RPE65: variants seen among roughly 807,000 people sequenced by gnomAD.
RPE65 encodes retinoid isomerohydrolase.
Under a neutral mutation model 68.5 loss-of-function variants are expected in RPE65, and 58 were observed. The observed-to-expected ratio is 0.85, with a 90% CI of 0.69 to 1.05. The LOEUF (loss-of-function observed/expected upper bound fraction) is 1.05. RPE65 is among the 50% of genes least tolerant of loss of function. RPE65 has a pLI of 0.00. For missense variants in RPE65, 643 were observed against 629.9 expected (o/e 1.02, Z -0.22); for synonymous variants, 220 against 222.2 (o/e 0.99, Z 0.09).
At chr1:68,449,301 A>T (rs538919168) in intron 1 of RPE65, among the ~76,000 whole-genome samples, 4 of 152,130 alleles carry the variant, frequency 2.6e-5, no homozygotes, top group Non-Finnish European at 5.9e-5. Flanking sequence ...ACCAATCCCC[A>T]AGACCTACAG....
chr1:68,436,714 C>T (rs1039909426), intron 10 of RPE65, among the ~76,000 whole-genome samples: 8 of 151,952 alleles, frequency 5.3e-5, no homozygotes, highest in Non-Finnish European at 7.4e-5. Context: ...GTGATGCACC[C>T]GCCTCGGCCT....
intron 3 of RPE65, 92 bp from the exon 4 acceptor site, chr1:68,444,975 T>C: frequency 9.7e-7 from 1 of 1,028,568 alleles, no homozygotes; most frequent in East Asian, 2.4e-5. Context: ...TGTGTCCTCA[T>C]CAAGTCACAA....
chr1:68,436,137 C>T (rs1338821740), intron 10 of RPE65, among the ~76,000 whole-genome samples: 3 of 151,994 alleles, frequency 2.0e-5, no homozygotes, highest in Non-Finnish European at 4.4e-5. Context: ...TCTTTTATTT[C>T]CTTAAAGATG....
Position 68,439,568 on chromosome 1 carries a change from C to T in RPE65, c.718G>A (p.Val240Ile), listed in dbSNP as rs192907397. 9.9e-6 allele frequency: 16 copies of T among 1,613,670 alleles called. No individual in the cohort carries two copies. Among genetic ancestry groups the T allele is most frequent in the Middle Eastern group, 1.6e-4 (1 of 6,084 alleles). The change falls in exon 7 of 14, where the codon GTT becomes ATT. Residue 240 changes from valine (V) to isoleucine (I), a missense_variant. By Grantham distance (29) the Val-to-Ile change is conservative. Transcript: ENST00000262340. The part of the protein sequence containing the change: ...PCSDRFKPSY[V>I]HSFGLTPNYI... ...AGCAGGCCTTCAAGTTACCTATGAACGTAAGATGGCTTGAATCGGTCACTG... is the reference window on the plus strand; with the variant it reads ...AGCAGGCCTTCAAGTTACCTATGAATGTAAGATGGCTTGAATCGGTCACTG...
At chr1:68,442,201 G>T (rs114256657) in intron 5 of RPE65, among the ~76,000 whole-genome samples, 2 of 152,174 alleles carry the variant, frequency 1.3e-5, no homozygotes, top group African/African-American at 4.8e-5. Flanking sequence ...GTAGAGAAGC[G>T]CCATCTAGCC....
intron 6 of RPE65, 142 bp downstream of exon 6, chr1:68,440,711 A>T: frequency 9.6e-7 from 1 of 1,041,274 alleles, no homozygotes; most frequent in Non-Finnish European, 1.4e-6. Context: ...TAGGGTAGGG[A>T]TGAGGGCAGT....
In RPE65 at chr1:68,440,991, A is replaced by C; in HGVS notation, c.505T>G (p.Cys169Gly). ...GCCCCATTGACAGAGACATAGTTGC[A>C]AAGATCAACCTACGGAAGTAAAGTG... Reference protein sequence around the residue: ...TLETIKQVDLCNYVSVNGATA... With the variant: ...TLETIKQVDLGNYVSVNGATA... The change falls in exon 6 of 14, where the codon TGC becomes GGC. Residue 169 changes from cysteine to glycine, a missense_variant. Coordinates refer to ENST00000262340, the MANE Select transcript of RPE65 (RefSeq NM_000329.3). The C allele has an allele frequency of 6.2e-7, 1 of 1,613,894 alleles. No homozygotes were observed. Among genetic ancestry groups the C allele is most frequent in the Non-Finnish European group, 8.5e-7 (1 of 1,179,858 alleles).
chr1:68,448,790 C>T (rs1645960761), intron 1 of RPE65, 84 bp from the exon 2 acceptor site: 1 of 1,078,724 alleles, frequency 9.3e-7, no homozygotes, highest in Admixed American at 2.1e-5. Flanking sequence ...GGAGAGAAGG[C>T]ACTCTAGGGC....
chr1:68,430,684 C>A (rs1047317314), intron 13 of RPE65, among the ~76,000 whole-genome samples: 1 of 152,078 alleles, frequency 6.6e-6, no homozygotes, highest in Non-Finnish European at 1.5e-5. Flanking sequence ...CCTTCTCATT[C>A]TCTTGTATCT....
Position 68,438,983 on chromosome 1 carries a change from TTCATAG to T in RPE65, c.951_956del (p.Tyr318_Glu319del). On this transcript the variant is annotated inframe_deletion, in exon 9 of 14. Coordinates refer to ENST00000262340, the MANE Select transcript of RPE65 (RefSeq NM_000329.3). ...GATCCACAATCAGAAACCCATTGTC[TTCATAG>T]GTGTTGATGTGATGGAAGAGGTTGA... is the stretch of plus-strand genomic sequence containing the variant. 6.2e-7 allele frequency: 1 copy of T among 1,614,110 alleles called. No homozygotes were observed. The highest frequency in any genetic ancestry group is 8.5e-7 in the Non-Finnish European group (1 of 1,179,968).
chr1:68,448,323 C>T (rs72926973), intron 2 of RPE65, among the ~76,000 whole-genome samples: 16,766 of 152,204 alleles, frequency 0.11, 1,020 homozygotes, highest in Admixed American at 0.19. Context: ...ACCAATGGAA[C>T]AGACATTTAT....
Position 68,429,666 on chromosome 1 carries a change from C to T in RPE65, c.*110G>A, listed in dbSNP as rs975953940. On this transcript the variant is annotated 3_prime_UTR_variant, in exon 14 of 14. Transcript: ENST00000262340. The stretch of plus-strand genomic sequence containing the variant: ...AACATTGCAAAATTGTGCGCATCTG[C>T]AAGTTAAAACCATGACATATAGCAG... The T allele has an allele frequency of 2.9e-5, 39 of 1,362,790 alleles. No homozygotes were observed. Among genetic ancestry groups the T allele is most frequent in the Non-Finnish European group, 3.8e-5 (37 of 971,320 alleles). 84.4% of individuals were successfully genotyped at this position (1,362,790 alleles called of 1,614,324 possible). A position where few individuals can be genotyped will look rare whatever the true frequency, so the allele number is the denominator to read the frequency against.
intron 10 of RPE65, among the ~76,000 whole-genome samples, chr1:68,435,184 CTTTTTCTGGCTTCTCTT>C (rs1645852321): frequency 2.7e-5 from 1 of 37,332 alleles, no homozygotes; most frequent in East Asian, 0.011. Context: ...GCTCTTGTTT[CTTTTTCTGGCTTCTCTT>C]GTTTCTTTTT....
At chr1:68,436,566 T>G (rs960869503) in intron 10 of RPE65, among the ~76,000 whole-genome samples, 1 of 152,016 alleles carries the variant, frequency 6.6e-6, no homozygotes, top group African/African-American at 2.4e-5. Context: ...CCTCCTGGGT[T>G]CAAGCGATTC....
chr1:68,446,810 G>A lies in RPE65; in HGVS notation c.145C>T (p.Leu49Phe). The change falls in exon 3 of 14, where the codon CTC becomes TTC. Residue 49 changes from leucine (L) to phenylalanine (F), a missense_variant. Coordinates refer to ENST00000262340, the MANE Select transcript of RPE65 (RefSeq NM_000329.3). Reference protein sequence around the residue: ...TGSLLRCGPGLFEVGSEPFYH... With the variant: ...TGSLLRCGPGFFEVGSEPFYH... ...AATGGCTCAGATCCAACTTCAAAGAGTCCTGGCCCACATCGAAGGAGACTG... is the reference window on the plus strand; with the variant it reads ...AATGGCTCAGATCCAACTTCAAAGAATCCTGGCCCACATCGAAGGAGACTG... 6.2e-7 allele frequency: 1 copy of A among 1,614,126 alleles called. No homozygotes were observed. Among genetic ancestry groups the A allele is most frequent in the Non-Finnish European group, 8.5e-7 (1 of 1,180,030 alleles).
At chr1:68,445,006 G>T in intron 3 of RPE65, 123 bp from the exon 4 acceptor site, 2 of 835,596 alleles carry the variant, frequency 2.4e-6, no homozygotes, top group Non-Finnish European at 4.0e-6. Flanking sequence ...ACAACATGAA[G>T]AATAAAGGGT....
Position 68,444,556 on chromosome 1 carries a change from G to C in RPE65, c.470C>G (p.Pro157Arg), listed in dbSNP as rs1645927578. The part of the protein sequence containing the change: ...TETNFITKIN[P>R]ETLETIKQVD... ...CTGCTTAATTGTCTCCAAGGTCTCTGGATTAATCTTTGTAATAAAGTTGGT... is the reference window on the plus strand; with the variant it reads ...CTGCTTAATTGTCTCCAAGGTCTCTCGATTAATCTTTGTAATAAAGTTGGT... Residue 157 changes from proline to arginine, a missense_variant, in exon 5 of 14, where the codon CCA becomes CGA. By Grantham distance (103) the Pro-to-Arg change is moderately radical. Transcript: ENST00000262340. The C allele has an allele frequency of 6.2e-7, 1 of 1,614,060 alleles. No individual in the cohort carries two copies. Among genetic ancestry groups the C allele is most frequent in the Non-Finnish European group, 8.5e-7 (1 of 1,179,996 alleles).
chr1:68,439,593 G>A lies in RPE65; in HGVS notation c.693C>T (p.Cys231=). 1 of 1,613,942 alleles carries A rather than the reference G, an allele frequency of 6.2e-7. No homozygotes were observed. The highest frequency in any genetic ancestry group is 8.5e-7 in the Non-Finnish European group (1 of 1,179,844). Residue 231 remains cysteine, a synonymous_variant, in exon 7 of 14, where the codon TGC becomes TGT. Coordinates refer to ENST00000262340, the MANE Select transcript of RPE65 (RefSeq NM_000329.3). The stretch of plus-strand genomic sequence containing the variant: ...CGTAAGATGGCTTGAATCGGTCACT[G>A]CAGGGGAATTGTACAACGATCTCTG... ...SKSEIVVQFP[C]SDRFKPSYVH... is the part of the protein sequence containing the mutation.
Position 68,441,000 on chromosome 1 carries a change from C to T in RPE65, c.496G>A (p.Val166Ile), listed in dbSNP as rs1261673206. The T allele has an allele frequency of 6.2e-7, 1 of 1,613,748 alleles. No individual in the cohort carries two copies. The highest frequency in any genetic ancestry group is 2.2e-5 in the East Asian group (1 of 44,872). ...NPETLETIKQVDLCNYVSVNG... is the reference protein window; with the variant it reads ...NPETLETIKQIDLCNYVSVNG... The stretch of plus-strand genomic sequence containing the variant: ...ACAGAGACATAGTTGCAAAGATCAA[C>T]CTACGGAAGTAAAGTGAATGTCCTC... The change falls in exon 6 of 14, where the codon GTT (valine) becomes ATT (isoleucine). Residue 166 changes from valine to isoleucine, a missense_variant and splice_region_variant. Transcript: ENST00000262340.
Sources: gnomAD v4.1 joint callset for allele counts (sites outside exome capture counted in the v4.1 genomes callset) on GRCh38, gnomAD v4.1.1 for gene constraint, MANE v1.5 for transcripts, NCBI Gene and HGNC (gene_info 2026-07-23, HGNC 2026-07-21) for gene names.